FEZ1: variants seen among roughly 807,000 people sequenced by gnomAD.
The protein encoded by FEZ1 is fasciculation and elongation protein zeta 1, also known as fasciculation and elongation protein zeta-1.
A neutral mutation model predicts 49.3 loss-of-function variants in FEZ1; 20 were observed. The ratio of observed to expected loss-of-function variants is 0.41; its 90% confidence interval spans 0.29 to 0.59. The LOEUF is 0.59. Ranked by LOEUF, FEZ1 falls within the 20% of genes least tolerant of loss-of-function variation. FEZ1 has a pLI of 0.36. For synonymous variants in FEZ1, 170 were observed against 180.9 expected (o/e 0.94, Z 0.48); for missense variants, 413 against 476.0 (o/e 0.87, Z 1.23).
chr11:125,479,058 G>C (rs146085490), intron 3 of FEZ1, among the ~76,000 whole-genome samples: 1 of 152,158 alleles, frequency 6.6e-6, no homozygotes, highest in Non-Finnish European at 1.5e-5. Flanking sequence ...ATGCACAGCC[G>C]AGAGTTCAAA....
intron 5 of FEZ1, among the ~76,000 whole-genome samples, chr11:125,457,492 G>GTGTATATATACACATA (rs1555178537): frequency 7.0e-5 from 2 of 28,440 alleles, no homozygotes; most frequent in African/African-American, 1.1e-4. Context: ...ACATATATGT[G>GTGTATATATACACATA]TATATATGTA....
chr11:125,448,195 T>C (rs1414409212), intron 9 of FEZ1, among the ~76,000 whole-genome samples: 1 of 152,226 alleles, frequency 6.6e-6, no homozygotes, highest in African/African-American at 2.4e-5. Context: ...TAAATTATCA[T>C]CAGGTTTTGT....
In FEZ1 at chr11:125,455,927, C is replaced by T. The variant is rs1307948054; in HGVS notation, c.847G>A (p.Glu283Lys). 1 of 1,613,558 alleles carries T rather than the reference C, an allele frequency of 6.2e-7. No homozygotes were observed. Among genetic ancestry groups the T allele is most frequent in the Non-Finnish European group, 8.5e-7 (1 of 1,179,952 alleles). Residue 283 changes from glutamate (E) to lysine (K), a missense_variant, in exon 6 of 10, where the codon GAG becomes AAG. Transcript: ENST00000278919. Reference protein sequence around the residue: ...VLIEVQNKQKEQRELMKKRRK... With the variant: ...VLIEVQNKQKKQRELMKKRRK... The stretch of plus-strand genomic sequence containing the variant: ...CTCTTTTTCATCAGTTCTCGCTGCT[C>T]CTTCTGCTTGTTCTGAACCTCAATA...
chr11:125,445,950 C>T lies in FEZ1; in HGVS notation c.*145G>A. 3.6e-6 allele frequency: 3 copies of T among 827,828 alleles called. No individual in the cohort carries two copies. The highest frequency in any genetic ancestry group is 2.7e-5 in the South Asian group (2 of 75,122). 51.3% of individuals were successfully genotyped at this position (827,828 alleles called of 1,614,324 possible). On this transcript the variant is annotated 3_prime_UTR_variant, in exon 10 of 10. Coordinates refer to ENST00000278919, the MANE Select transcript of FEZ1 (RefSeq NM_005103.5). The surrounding 1 kb of genome is among the most constrained non-coding windows in gnomAD (Gnocchi z 4.4). ...AGCACTAGAAGCCAACGGCAAAGGA[C>T]CCCGCGCGCTTGCTCGTGTTTAATC...
intron 9 of FEZ1, among the ~76,000 whole-genome samples, chr11:125,447,063 A>G (rs1956905523): frequency 1.3e-5 from 2 of 152,212 alleles, no homozygotes; most frequent in South Asian, 4.1e-4. Flanking sequence ...AAACAATAAA[A>G]TAATAGATCT....
intron 1 of FEZ1, among the ~76,000 whole-genome samples, chr11:125,493,408 A>AGG (rs1957409635): frequency 1.3e-5 from 1 of 75,540 alleles, no homozygotes; most frequent in Non-Finnish European, 2.4e-5. Context: ...GAAAGAAAGA[A>AGG]AGAAAGAAAG....
In FEZ1 at chr11:125,482,007, CAGAG is replaced by C. The variant is rs138138330; in HGVS notation, c.312-378_312-375del. Among the ~76,000 whole-genome samples, 74 of 147,698 alleles carry C rather than the reference CAGAG, an allele frequency of 5.0e-4. 1 individual carries two copies. The highest frequency in any genetic ancestry group is 1.7e-3 in the African/African-American group (69 of 40,264). ...ATGCCCATGTTTCTTTTCCTATGGG[CAGAG>C]AGAGAGAGAGAGAAAGAGAGAGAGA... On this transcript the variant is annotated intron_variant, in intron 2 of 9. Transcript: ENST00000278919.
rs71042494 is a variant in FEZ1 at position 125,457,502 on chromosome 11, A to ATATATATACACATATATATGTG, written c.668-1397_668-1396insCACATATATATGTGTATATATA. On this transcript the variant is annotated intron_variant, in intron 5 of 9. Transcript: ENST00000278919. Reference sequence around the variant, plus strand: ...TATACACATATATGTGTATATATGTATATATATACACATATATATAATTTG... The same window carrying ATATATATACACATATATATGTG: ...TATACACATATATGTGTATATATGTATATATATACACATATATATGTGTATATATACACATATATATAATTTG... Among the ~76,000 whole-genome samples, 785 of 109,630 alleles carry ATATATATACACATATATATGTG rather than the reference A, an allele frequency of 7.2e-3. 24 individuals are homozygous for ATATATATACACATATATATGTG. The highest frequency in any genetic ancestry group is 0.019 in the African/African-American group (507 of 27,008). The allele number at this position is 109,630 out of a possible 152,430, so 71.9% of individuals were successfully genotyped here. A position where few individuals can be genotyped will look rare whatever the true frequency, so the allele number is the denominator to read the frequency against.
intron 6 of FEZ1, 110 bp downstream of exon 6, chr11:125,455,725 C>A: frequency 8.9e-7 from 1 of 1,124,258 alleles, no homozygotes; most frequent in South Asian, 1.3e-5. Flanking sequence ...TGCTGCTCAC[C>A]ACCACTGCTC....
In FEZ1 at chr11:125,470,341, T is replaced by G. The variant is rs75506539; in HGVS notation, c.412-6771A>C. Among the ~76,000 whole-genome samples, 1,138 of 152,298 alleles carry G rather than the reference T, an allele frequency of 7.5e-3. 13 individuals are homozygous for G. The highest frequency in any genetic ancestry group is 0.026 in the African/African-American group (1,090 of 41,560). ...AGAAATTAAAGGTATGATAGAAAAT[T>G]TAGACTTTTCCATCGAGCTGAAGGC... On this transcript the variant is annotated intron_variant, in intron 3 of 9. Transcript: ENST00000278919.
intron 2 of FEZ1, among the ~76,000 whole-genome samples, chr11:125,486,248 C>T (rs1265095178): frequency 1.3e-5 from 2 of 152,166 alleles, no homozygotes; most frequent in East Asian, 1.9e-4. Flanking sequence ...GCCCCTCTGT[C>T]TTCAGGGTAC....
At chr11:125,494,503 A>G (rs1957437856) in intron 1 of FEZ1, among the ~76,000 whole-genome samples, 2 of 152,336 alleles carry the variant, frequency 1.3e-5, no homozygotes, top group Admixed American at 6.5e-5. Context: ...GATTAATACA[A>G]GCGATAGCTT....
At chr11:125,478,532 A>C (rs1957252801) in intron 3 of FEZ1, among the ~76,000 whole-genome samples, 1 of 152,222 alleles carries the variant, frequency 6.6e-6, no homozygotes, top group Non-Finnish European at 1.5e-5. Flanking sequence ...CACATTCAGC[A>C]TGCCAAGCGC....
At chr11:125,453,971 T>G in intron 7 of FEZ1, 159 bp downstream of exon 7, 1 of 449,838 alleles carries the variant, frequency 2.2e-6, no homozygotes, top group South Asian at 6.0e-5. Context: ...AAAAAGATAT[T>G]CTCTGTTCCT....
rs558273918 is a variant in FEZ1, at chr11:125,444,012, C to T, written c.*2083G>A. On this transcript the variant is annotated 3_prime_UTR_variant, in exon 10 of 10. Transcript: ENST00000278919. The stretch of plus-strand genomic sequence containing the variant: ...CTTTGCTGAGGCTGGTGAAAAACCC[C>T]GTCGCCGGCAGAGTGCTAAACATGC... Among the ~76,000 whole-genome samples, 9 of 152,310 alleles carry T rather than the reference C, an allele frequency of 5.9e-5. No individual in the cohort carries two copies. The highest frequency in any genetic ancestry group is 1.9e-4 in the African/African-American group (8 of 41,570).
rs142610742 is a variant in FEZ1, at chr11:125,451,936, G to A, written c.1096+398C>T. ...ATACAGCCAGACCCAGAGACCAGGC[G>A]CCCTGCTTCAAGGGGCACAAGTGCC... is the stretch of plus-strand genomic sequence containing the variant. On this transcript the variant is annotated intron_variant, in intron 8 of 9. Transcript: ENST00000278919. Among the ~76,000 whole-genome samples the A allele has an allele frequency of 6.6e-5, 10 of 152,292 alleles. No individual in the cohort carries two copies. The East Asian group carries it at 1.9e-3, about 29-fold the overall frequency.
Position 125,493,362 on chromosome 11 carries a change from A to AAAAGAAAGAAAGAAAGAAAG in FEZ1, c.-46+2739_-46+2758dup, listed in dbSNP as rs555223569. Among the ~76,000 whole-genome samples the AAAAGAAAGAAAGAAAGAAAG allele has an allele frequency of 3.4e-4, 17 of 49,576 alleles. 1 individual carries two copies. The highest frequency in any genetic ancestry group is 1.9e-3 in the East Asian group (3 of 1,552). The allele number at this position is 49,576 out of a possible 152,430, so 32.5% of individuals were successfully genotyped here. A position where few individuals can be genotyped will look rare whatever the true frequency, so the allele number is the denominator to read the frequency against. ...GAAAGAAAGAAAGAAAGAAAGAGAG[A>AAAAGAAAGAAAGAAAGAAAG]AAAGAAAGAAAGAAAGAAAGAAAGA... On this transcript the variant is annotated intron_variant, in intron 1 of 9. Transcript: ENST00000278919.
intron 3 of FEZ1, among the ~76,000 whole-genome samples, chr11:125,474,381 T>C (rs898659489): frequency 2.6e-5 from 4 of 151,790 alleles, no homozygotes; most frequent in Non-Finnish European, 5.9e-5. Context: ...TTGCCCAGTC[T>C]GGTCTTTAAC....
chr11:125,474,848 A>C (rs773927097), intron 3 of FEZ1, among the ~76,000 whole-genome samples: 1 of 152,224 alleles, frequency 6.6e-6, no homozygotes, highest in Non-Finnish European at 1.5e-5. Context: ...AGATTGCACC[A>C]CTGCACTCCA....
Sources: allele counts gnomAD v4.1 joint callset (sites outside exome capture counted in the v4.1 genomes callset), GRCh38; gene constraint gnomAD v4.1.1; non-coding constraint Gnocchi (gnomAD v3.1); transcripts MANE v1.5; gene names NCBI Gene and HGNC (gene_info 2026-07-23, HGNC 2026-07-21).